Variants in TRPA1 observed in about 807,000 individuals in gnomAD.
TRPA1 encodes ankyrin-like with transmembrane domains 1.
In TRPA1, 129 loss-of-function variants were observed where a neutral mutation model predicts 131.3. That is an observed-to-expected ratio of 0.98 (90% confidence interval 0.85 to 1.14). TRPA1 has a LOEUF of 1.14. Ranked by LOEUF, TRPA1 falls within the 50% of genes most tolerant of loss-of-function variation. The pLI is 0.00. For synonymous variants in TRPA1, 441 were observed against 451.7 expected (o/e 0.98, Z 0.30); for missense variants, 1,304 against 1,354.2 (o/e 0.96, Z 0.58).
At chr8:72,047,030 A>G in intron 16 of TRPA1, 118 bp downstream of exon 16, 1 of 783,076 alleles carries the variant, frequency 1.3e-6, no homozygotes, top group Non-Finnish European at 2.1e-6. Context: ...CAATAATATG[A>G]CAAATTAGAT....
At chr8:72,053,157 C>T in intron 13 of TRPA1, 1 of 250,490 alleles carries the variant, frequency 4.0e-6, no homozygotes, top group Non-Finnish European at 7.8e-6. Flanking sequence ...GAAAATCCTC[C>T]TGAGATTGAT....
At chr8:72,029,618 T>C in intron 24 of TRPA1, 1 of 528,296 alleles carries the variant, frequency 1.9e-6, no homozygotes, top group Admixed American at 3.2e-5. Flanking sequence ...GTGAAAGTGA[T>C]GCATATTCAG....
At chr8:72,025,700 T>A (rs562898759) in intron 25 of TRPA1, among the ~76,000 whole-genome samples, 2 of 152,320 alleles carry the variant, frequency 1.3e-5, no homozygotes, top group South Asian at 2.1e-4. Flanking sequence ...CCCCTGCCCA[T>A]CTGCTCTCAC....
chr8:72,070,341 A>G (rs1281474674), intron 2 of TRPA1, among the ~76,000 whole-genome samples: 1 of 152,128 alleles, frequency 6.6e-6, no homozygotes, highest in Non-Finnish European at 1.5e-5. Flanking sequence ...ACACACATGC[A>G]TGTACACACC....
At chr8:72,055,994 G>A (rs1360673285) in intron 10 of TRPA1, 139 bp from the exon 11 acceptor site, 7 of 712,236 alleles carry the variant, frequency 9.8e-6, no homozygotes, top group South Asian at 6.8e-5. Flanking sequence ...ATAACCTAAA[G>A]GATTTGAGAG....
rs557816274 is a variant in TRPA1 at position 72,029,226 on chromosome 8, C to G, written c.2937+675G>C. 3.9e-5 allele frequency among the ~76,000 whole-genome samples: 6 copies of G among 152,302 alleles called. No homozygotes were observed. The South Asian group carries it at 1.0e-3, about 26-fold the overall frequency. On this transcript the variant is annotated intron_variant, in intron 24 of 26. Transcript: ENST00000262209. ...CAACATAAATCATGCTGTGGGGACCCTGTGATTCCCTGCACAAAATATAAG... is the reference window on the plus strand; with the variant it reads ...CAACATAAATCATGCTGTGGGGACCGTGTGATTCCCTGCACAAAATATAAG...
At chr8:72,028,721 C>T (rs1262827292) in intron 24 of TRPA1, among the ~76,000 whole-genome samples, 1 of 152,176 alleles carries the variant, frequency 6.6e-6, no homozygotes, top group African/African-American at 2.4e-5. Flanking sequence ...ACTTAATAGT[C>T]AGGGATCACA....
rs117877647 is a variant in TRPA1 at position 72,071,236 on chromosome 8, A to G, written c.268+475T>C. On this transcript the variant is annotated intron_variant, in intron 2 of 26. Coordinates refer to ENST00000262209, the MANE Select transcript of TRPA1 (RefSeq NM_007332.3). ...TATATAGCAAAGGTCTTATCACACC[A>G]CTTCACTGCCTTCATCTCTGTGGCA... Among the ~76,000 whole-genome samples the G allele has an allele frequency of 3.5e-3, 528 of 152,064 alleles. 5 individuals are homozygous for G. The highest frequency in any genetic ancestry group is 4.2e-3 in the Admixed American group (64 of 15,282).
chr8:72,055,955 A>G (rs1303900148), intron 10 of TRPA1, 100 bp from the exon 11 acceptor site: 1 of 1,196,910 alleles, frequency 8.4e-7, no homozygotes, highest in Non-Finnish European at 1.2e-6. Flanking sequence ...ACAAGGGTCA[A>G]TATGTATTCC....
intron 16 of TRPA1, 127 bp from the exon 17 acceptor site, chr8:72,046,735 A>AGTT (rs1339490660): frequency 1.5e-5 from 9 of 590,826 alleles, no homozygotes; most frequent in Non-Finnish European, 2.7e-5. Context: ...ATTTGAACAA[A>AGTT]GTTGAGTTAT....
chr8:72,067,735 A>C (rs923784478), intron 3 of TRPA1, among the ~76,000 whole-genome samples: 1 of 152,208 alleles, frequency 6.6e-6, no homozygotes, highest in Admixed American at 6.5e-5. Flanking sequence ...CCCAACCCAG[A>C]TGATACAGAA....
chr8:72,066,364 G>A (rs1162878185), intron 3 of TRPA1, among the ~76,000 whole-genome samples: 1 of 152,092 alleles, frequency 6.6e-6, no homozygotes, highest in African/African-American at 2.4e-5. Context: ...TTGGCCTACT[G>A]GAGGCTTTTC....
At chr8:72,029,759 C>A in intron 24 of TRPA1, 142 bp downstream of exon 24, 2 of 860,954 alleles carry the variant, frequency 2.3e-6, no homozygotes, top group South Asian at 1.5e-5. Context: ...GGGTAAATGG[C>A]ACATACTTTA....
At chr8:72,063,825 T>A (rs1323120206) in intron 4 of TRPA1, among the ~76,000 whole-genome samples, 1 of 152,146 alleles carries the variant, frequency 6.6e-6, no homozygotes, top group Non-Finnish European at 1.5e-5. Context: ...ACCACAGCAA[T>A]AAAGTCAACA....
intron 15 of TRPA1, among the ~76,000 whole-genome samples, chr8:72,049,042 T>G (rs538930123): frequency 6.6e-6 from 1 of 152,312 alleles, no homozygotes; most frequent in Admixed American, 6.5e-5. Flanking sequence ...TTTGATGAGA[T>G]GTAGGCACCT....
At position 72,026,980 on chromosome 8, in the gene TRPA1, T is replaced by C. The variant is rs572798144; in HGVS notation, c.2938-907A>G. On this transcript the variant is annotated intron_variant, in intron 24 of 26. Coordinates refer to ENST00000262209, the MANE Select transcript of TRPA1 (RefSeq NM_007332.3). ...TTCCTTGCTATTTTTATAGCACTTA[T>C]CACCATTTAACATACTGTGCATTAG... 2.0e-5 allele frequency among the ~76,000 whole-genome samples: 3 copies of C among 152,182 alleles called. No homozygotes were observed. The East Asian group carries it at 5.8e-4, about 29-fold the overall frequency.
intron 23 of TRPA1, among the ~76,000 whole-genome samples, chr8:72,032,175 G>A (rs1010765852): frequency 6.6e-6 from 1 of 152,196 alleles, no homozygotes; most frequent in Non-Finnish European, 1.5e-5. Context: ...TGCTTGCTAT[G>A]CTGATGGGTT....
chr8:72,055,346 T>A (rs1805634980), intron 12 of TRPA1, 90 bp downstream of exon 12: 1 of 1,095,492 alleles, frequency 9.1e-7, no homozygotes, highest in Non-Finnish European at 1.4e-6. Context: ...GATATAAAGT[T>A]AGACCTCATA....
intron 1 of TRPA1, among the ~76,000 whole-genome samples, chr8:72,075,042 C>T (rs2278655): frequency 0.096 from 14,597 of 152,184 alleles, 813 homozygotes; most frequent in South Asian, 0.22. Flanking sequence ...GATACAGATA[C>T]TTTTTGAGTA....
Sources: gnomAD v4.1 joint callset for allele counts (sites outside exome capture counted in the v4.1 genomes callset) on GRCh38, gnomAD v4.1.1 for gene constraint, MANE v1.5 for transcripts, NCBI Gene and HGNC (gene_info 2026-07-23, HGNC 2026-07-21) for gene names.